The following PCDHGC4 variants were observed in gnomAD, a reference collection of about 807,000 sequenced individuals.
The protein encoded by PCDHGC4 is protocadherin gamma-C4.
In PCDHGC4, 15 loss-of-function variants were observed where a neutral mutation model predicts 59.7. That is an observed-to-expected ratio of 0.25 (90% CI 0.17 to 0.39). The LOEUF (loss-of-function observed/expected upper bound fraction) is 0.39, where lower values mean the gene tolerates loss of function less well. PCDHGC4 is among the 10% of genes least tolerant of loss of function. The pLI, the probability that PCDHGC4 is intolerant of heterozygous loss-of-function variation, is 1.00. For synonymous variants in PCDHGC4, 434 were observed against 481.4 expected (o/e 0.90, Z 1.29); for missense variants, 1,016 against 1,189.5 (o/e 0.85, Z 2.15).
Position 141,487,500 on chromosome 5 carries a change from C to G in PCDHGC4, c.2327C>G (p.Ala776Gly). 6.2e-7 allele frequency: 1 copy of G among 1,614,178 alleles called. No individual in the cohort carries two copies. Among genetic ancestry groups the G allele is most frequent in the East Asian group, 2.2e-5 (1 of 44,862 alleles). Reference sequence around the variant, plus strand: ...CACTCTCATGGCTGTACACCCTTGGCTTCTGCACCCACTCGGAGTGATAGC... The same window carrying G: ...CACTCTCATGGCTGTACACCCTTGGGTTCTGCACCCACTCGGAGTGATAGC... ...GGHSHGCTPL[A>G]SAPTRSDSFM... The change falls in exon 1 of 4, where the codon GCT (alanine) becomes GGT (glycine). Residue 776 changes from alanine to glycine, a missense_variant. Ala to Gly is a moderately conservative substitution (Grantham distance 60, BLOSUM62 0). Coordinates refer to ENST00000306593, the MANE Select transcript of PCDHGC4 (RefSeq NM_018928.3). The surrounding 1 kb of genome is among the most constrained non-coding windows in gnomAD (Gnocchi z 5.0).
rs1000775080 is a variant in PCDHGC4 at position 141,487,567 on chromosome 5, G to C, written c.2394G>C (p.Glu798Asp). 2 of 1,614,168 alleles carry C rather than the reference G, an allele frequency of 1.2e-6. No individual in the cohort carries two copies. The highest frequency in any genetic ancestry group is 1.7e-6 in the Non-Finnish European group (2 of 1,180,036). Reference protein sequence around the residue: ...VKSPSAPMAGEPVRPSCPPSD... With the variant: ...VKSPSAPMAGDPVRPSCPPSD... ...CACCCAGTGCACCTATGGCAGGGGA[G>C]CCTGTTCGCCCAAGCTGCCCACCCT... Residue 798 changes from glutamate to aspartate, a missense_variant, in exon 1 of 4, where the codon GAG becomes GAC. Physicochemically the swap from Glu to Asp is conservative, Grantham distance 45 (BLOSUM62 2). Coordinates refer to ENST00000306593, the MANE Select transcript of PCDHGC4 (RefSeq NM_018928.3). The surrounding 1 kb of genome is among the most constrained non-coding windows in gnomAD (Gnocchi z 5.0).
In PCDHGC4 at chr5:141,492,559, C is replaced by A. The variant is rs533830391; in HGVS notation, c.2443-2248C>A. ...GGGCTGGGCCGGGTCGCCTGGGGGG[C>A]GGCCTGAGCGAGGCGCGGGGCCAGG... On this transcript the variant is annotated intron_variant, in intron 1 of 3. Coordinates refer to ENST00000306593, the MANE Select transcript of PCDHGC4 (RefSeq NM_018928.3). 2.6e-5 allele frequency among the ~76,000 whole-genome samples: 4 copies of A among 152,292 alleles called. No individual in the cohort carries two copies. The East Asian group carries it at 7.7e-4, about 29-fold the overall frequency.
In PCDHGC4 at chr5:141,489,375, G is replaced by A. The variant is rs768190252; in HGVS notation, c.2442+1760G>A. The A allele has an allele frequency of 1.2e-5, 19 of 1,613,826 alleles. No individual in the cohort carries two copies. The Admixed American group carries it at 3.2e-4, about 27-fold the overall frequency. ...AGGAGTCTGAGCCGGGGACGCTGGT[G>A]GGGAATGTTGCTCAGGATCTGGGCT... On this transcript the variant is annotated intron_variant, in intron 1 of 3. Transcript: ENST00000306593. The surrounding 1 kb of genome is among the most constrained non-coding windows in gnomAD (Gnocchi z 4.5).
chr5:141,492,296 G>GACGC lies in PCDHGC4; in HGVS notation c.2443-2500_2443-2497dup, dbSNP rs540417011. 9.7e-4 allele frequency among the ~76,000 whole-genome samples: 148 copies of GACGC among 152,328 alleles called. 2 individuals are homozygous for GACGC. In the South Asian group the frequency reaches 0.014, roughly 14 times the overall value. ...GCCACGCCCCGCCAACACGTGCGCGGACGCACGCACGCACTCCTCGCACGT... is the reference window on the plus strand; with the variant it reads ...GCCACGCCCCGCCAACACGTGCGCGGACGCACGCACGCACGCACTCCTCGCACGT... On this transcript the variant is annotated intron_variant, in intron 1 of 3. Transcript: ENST00000306593.
In PCDHGC4 at chr5:141,485,457, T is replaced by G; in HGVS notation, c.284T>G (p.Leu95Arg). 1 of 1,614,124 alleles carries G rather than the reference T, an allele frequency of 6.2e-7. No individual in the cohort carries two copies. Among genetic ancestry groups the G allele is most frequent in the Non-Finnish European group, 8.5e-7 (1 of 1,180,020 alleles). Residue 95 changes from leucine to arginine, a missense_variant, in exon 1 of 4, where the codon CTG (leucine) becomes CGG (arginine). Physicochemically the swap from Leu to Arg is moderately radical, Grantham distance 102. Coordinates refer to ENST00000306593, the MANE Select transcript of PCDHGC4 (RefSeq NM_018928.3). This position sits in a 1 kb window ranked among gnomAD's most constrained non-coding sequence, Gnocchi z 5.7. ...AAGAACCCAATCGACCGAGAGGCAC[T>G]GTGTGGGCTCAGTGCCAGCTGCATC... ...LIKNPIDREA[L>R]CGLSASCIVP...
intron 2 of PCDHGC4, among the ~76,000 whole-genome samples, chr5:141,503,351 C>T (rs1186394919): frequency 6.6e-6 from 1 of 151,994 alleles, no homozygotes; most frequent in Admixed American, 6.6e-5. Context: ...AATTCCAGCA[C>T]TTTGGGAAGC....
At chr5:141,504,378 C>T (rs2099837786) in intron 2 of PCDHGC4, among the ~76,000 whole-genome samples, 1 of 152,052 alleles carries the variant, frequency 6.6e-6, no homozygotes, top group Non-Finnish European at 1.5e-5. Flanking sequence ...CAGGTGGAGT[C>T]GCTGCCTCAC....
Position 141,491,030 on chromosome 5 carries a change from C to T in PCDHGC4, c.2442+3415C>T. ...GTCACCAAGGTGACAGCCGTGGATG[C>T]TGATGCAGGCCACAATGCGTGGCTC... On this transcript the variant is annotated intron_variant, in intron 1 of 3. Transcript: ENST00000306593. The surrounding 1 kb of genome is among the most constrained non-coding windows in gnomAD (Gnocchi z 6.9). 6.2e-7 allele frequency: 1 copy of T among 1,614,148 alleles called. No individual in the cohort carries two copies. Among genetic ancestry groups the T allele is most frequent in the South Asian group, 1.1e-5 (1 of 91,088 alleles).
Position 141,487,810 on chromosome 5 carries a change from C to T in PCDHGC4, c.2442+195C>T. 7.1e-7 allele frequency: 1 copy of T among 1,417,854 alleles called. No homozygotes were observed. 87.8% of individuals were successfully genotyped at this position (1,417,854 alleles called of 1,614,324 possible). ...ATTAACCAGAGTTGTCACAGTTTAG[C>T]ATTGGGGGCGGGTCATGCCTATATC... is the stretch of plus-strand genomic sequence containing the variant. On this transcript the variant is annotated intron_variant, in intron 1 of 3. Coordinates refer to ENST00000306593, the MANE Select transcript of PCDHGC4 (RefSeq NM_018928.3). This position sits in a 1 kb window ranked among gnomAD's most constrained non-coding sequence, Gnocchi z 5.0.
In PCDHGC4 at chr5:141,487,000, G is replaced by A. The variant is rs1410493699; in HGVS notation, c.1827G>A (p.Gln609=). Residue 609 remains glutamine, a synonymous_variant, in exon 1 of 4, where the codon CAG becomes CAA. Transcript: ENST00000306593. The surrounding 1 kb of genome is among the most constrained non-coding windows in gnomAD (Gnocchi z 5.0). ...GTTACAATGCTTGGGTTTCCTATCA[G>A]CTCCTGGAGGCCCCAGATCCCAGCC... ...DSGYNAWVSY[Q]LLEAPDPSLF... The A allele has an allele frequency of 6.2e-7, 1 of 1,614,194 alleles. No homozygotes were observed. The highest frequency in any genetic ancestry group is 8.5e-7 in the Non-Finnish European group (1 of 1,180,036).
chr5:141,491,702 T>A lies in PCDHGC4; in HGVS notation c.2443-3105T>A. The A allele has an allele frequency of 6.2e-7, 1 of 1,611,514 alleles. No homozygotes were observed. Among genetic ancestry groups the A allele is most frequent in the Non-Finnish European group, 8.5e-7 (1 of 1,178,984 alleles). ...AATACGCTGCGGGAGCGGAGCCAGG[T>A]GAGGGGCTCGGCGCCGCCCCGGGCG... On this transcript the variant is annotated intron_variant, in intron 1 of 3. Coordinates refer to ENST00000306593, the MANE Select transcript of PCDHGC4 (RefSeq NM_018928.3). The surrounding 1 kb of genome is among the most constrained non-coding windows in gnomAD (Gnocchi z 6.9).
chr5:141,491,496 C>T lies in PCDHGC4; in HGVS notation c.2443-3311C>T, dbSNP rs372523924. ...AGTCCAGCCCCAACCTGCAGGTGAG[C>T]TCGGACGGCACGCTCAAGTACATGG... On this transcript the variant is annotated intron_variant, in intron 1 of 3. Transcript: ENST00000306593. This position sits in a 1 kb window ranked among gnomAD's most constrained non-coding sequence, Gnocchi z 6.9. 2.9e-5 allele frequency: 47 copies of T among 1,614,004 alleles called. No individual in the cohort carries two copies. Among genetic ancestry groups the T allele is most frequent in the Non-Finnish European group, 3.7e-5 (44 of 1,180,026 alleles).
intron 2 of PCDHGC4, 117 bp downstream of exon 2, chr5:141,494,982 G>T: frequency 1.3e-6 from 2 of 1,563,940 alleles, no homozygotes; most frequent in Non-Finnish European, 1.7e-6. Flanking sequence ...CTCAGTTTGA[G>T]ATCCCAGGGA....
chr5:141,495,034 A>C (rs986393420), intron 2 of PCDHGC4, 169 bp downstream of exon 2: 1 of 962,702 alleles, frequency 1.0e-6, no homozygotes, highest in Non-Finnish European at 1.2e-6. Context: ...CCCCGGAAGG[A>C]AGAGGCGACT....
Position 141,495,110 on chromosome 5 carries a change from T to C in PCDHGC4, c.2501+245T>C, listed in dbSNP as rs74534116. Among the ~76,000 whole-genome samples the C allele has an allele frequency of 3.9e-3, 595 of 152,212 alleles. 3 individuals carry two copies. The highest frequency in any genetic ancestry group is 0.013 in the African/African-American group (538 of 41,532). On this transcript the variant is annotated intron_variant, in intron 2 of 3. Coordinates refer to ENST00000306593, the MANE Select transcript of PCDHGC4 (RefSeq NM_018928.3). The stretch of plus-strand genomic sequence containing the variant: ...TTCCCTCCTCGCCACGACCGGCACC[T>C]TTTCCTATCCCCTGAGGGCACTGTG...
chr5:141,491,316 T>C lies in PCDHGC4; in HGVS notation c.2443-3491T>C. The C allele has an allele frequency of 3.1e-6, 5 of 1,614,176 alleles. No homozygotes were observed. The highest frequency in any genetic ancestry group is 3.4e-6 in the Non-Finnish European group (4 of 1,180,004). ...CTCCTGAGCGTTCAGACCTTACCCT[T>C]TACCTCATTGTGGCTCTAGCGACCG... is the stretch of plus-strand genomic sequence containing the variant. On this transcript the variant is annotated intron_variant, in intron 1 of 3. Coordinates refer to ENST00000306593, the MANE Select transcript of PCDHGC4 (RefSeq NM_018928.3). The surrounding 1 kb of genome is among the most constrained non-coding windows in gnomAD (Gnocchi z 6.9).
In PCDHGC4 at chr5:141,491,406, C is replaced by G. The variant is rs773729429; in HGVS notation, c.2443-3401C>G. On this transcript the variant is annotated intron_variant, in intron 1 of 3. Transcript: ENST00000306593. This position sits in a 1 kb window ranked among gnomAD's most constrained non-coding sequence, Gnocchi z 6.9. ...CGAAGTGCCTTCAGGGAAACGCAGA[C>G]GGGGACGGGGGTGGAGGGCAGTGCT... 9 of 1,613,978 alleles carry G rather than the reference C, an allele frequency of 5.6e-6. No homozygotes were observed.
At chr5:141,497,848 T>C (rs2099779951) in intron 2 of PCDHGC4, among the ~76,000 whole-genome samples, 1 of 152,178 alleles carries the variant, frequency 6.6e-6, no homozygotes, top group South Asian at 2.1e-4. Flanking sequence ...AACAAACATT[T>C]TTGATTCAGC....
rs1005709757 is a variant in PCDHGC4 at position 141,495,051 on chromosome 5, A to G, written c.2501+186A>G. Among the ~76,000 whole-genome samples, 3 of 152,042 alleles carry G rather than the reference A, an allele frequency of 2.0e-5. No homozygotes were observed. In the East Asian group the frequency reaches 5.8e-4, roughly 29 times the overall value. On this transcript the variant is annotated intron_variant, in intron 2 of 3. Transcript: ENST00000306593. ...CCGGAAGGAAGAGGCGACTGCCCTG[A>G]CTGTTCAGGAAGCTCAATTCACATG... is the stretch of plus-strand genomic sequence containing the variant.
Sources: allele counts gnomAD v4.1 joint callset (sites outside exome capture counted in the v4.1 genomes callset), GRCh38; gene constraint gnomAD v4.1.1; non-coding constraint Gnocchi (gnomAD v3.1); transcripts MANE v1.5; gene names NCBI Gene and HGNC (gene_info 2026-07-23, HGNC 2026-07-21).